Variants in LRBA observed in about 807,000 individuals in gnomAD.
LRBA encodes the protein LPS responsive beige-like anchor protein.
In LRBA, 176 loss-of-function variants were observed where a neutral mutation model predicts 330.0. That is an observed-to-expected ratio of 0.53 (90% CI 0.47 to 0.60). The LOEUF is 0.60. Ranked by LOEUF, LRBA falls within the 20% of genes least tolerant of loss-of-function variation. The pLI, the probability that LRBA is intolerant of heterozygous loss-of-function variation, is 0.00. For missense variants in LRBA, 3,259 were observed against 3,444.8 expected, an observed-to-expected ratio of 0.95 and a Z score of 1.35; for synonymous variants, 1,230 against 1,193.0, an observed-to-expected ratio of 1.03 and a Z score of -0.64.
chr4:150,673,934 A>T (rs1182794151), intron 37 of LRBA, among the ~76,000 whole-genome samples: 1 of 152,204 alleles, frequency 6.6e-6, no homozygotes, highest in Non-Finnish European at 1.5e-5. Flanking sequence ...TGCCAGAAAG[A>T]GTCATATATT....
intron 39 of LRBA, 29 bp downstream of exon 39, chr4:150,590,684 T>C (rs1260315670): frequency 6.2e-7 from 1 of 1,607,488 alleles, no homozygotes; most frequent in Non-Finnish European, 8.5e-7. Context: ...CAGAGGTAGC[T>C]GAAATATCTG....
chr4:150,338,126 T>G (rs1352518866), intron 48 of LRBA, among the ~76,000 whole-genome samples: 2 of 152,118 alleles, frequency 1.3e-5, no homozygotes, highest in African/African-American at 4.8e-5. Context: ...TTTGGAAGGA[T>G]AAATTTGGAA....
chr4:150,287,913 AT>A (rs1748337730), intron 53 of LRBA, among the ~76,000 whole-genome samples: 1 of 152,184 alleles, frequency 6.6e-6, no homozygotes, highest in Admixed American at 6.5e-5. Flanking sequence ...AAGTCCAGAA[AT>A]TTGGGAAAAT....
rs374973820 is a variant in LRBA, at chr4:150,831,799, T to C, written c.4729+18A>G. On this transcript the variant is annotated intron_variant, in intron 29 of 56. Coordinates refer to ENST00000651943, the MANE Select transcript of LRBA (RefSeq NM_001364905.1). ...TTATTTGAACTTTGGTACAAAGGAA[T>C]AGAAAATGCAAACTTACCAGAGAGT... 24 of 1,567,772 alleles carry C rather than the reference T, an allele frequency of 1.5e-5. No individual in the cohort carries two copies. Among genetic ancestry groups the C allele is most frequent in the Non-Finnish European group, 1.9e-5 (22 of 1,155,608 alleles).
chr4:150,670,133 A>T (rs1029102016), intron 37 of LRBA, among the ~76,000 whole-genome samples: 1 of 152,158 alleles, frequency 6.6e-6, no homozygotes, highest in Non-Finnish European at 1.5e-5. Context: ...TTTTCTCATT[A>T]TTCCATCGCC....
At chr4:150,435,335 A>G (rs1750972391) in intron 46 of LRBA, among the ~76,000 whole-genome samples, 1 of 152,150 alleles carries the variant, frequency 6.6e-6, no homozygotes, top group Admixed American at 6.5e-5. Flanking sequence ...TGAAGGACAG[A>G]GCAAGACTCT....
chr4:150,397,684 AC>A (rs1273714501), intron 47 of LRBA, among the ~76,000 whole-genome samples: 1 of 152,228 alleles, frequency 6.6e-6, no homozygotes, highest in Non-Finnish European at 1.5e-5. Context: ...GTAGAGTATA[AC>A]AACACAGGTT....
At position 150,325,785 on chromosome 4, in the gene LRBA, G is replaced by T. The variant is rs143931917; in HGVS notation, c.7452+24C>A. On this transcript the variant is annotated intron_variant, in intron 49 of 56. Transcript: ENST00000651943. ...CGGATCTGAAGGAGAGGCAAGAAATGAGGAGAGTAAAAATAGCACTTACCA... is the reference window on the plus strand; with the variant it reads ...CGGATCTGAAGGAGAGGCAAGAAATTAGGAGAGTAAAAATAGCACTTACCA... 2.5e-3 allele frequency: 3,662 copies of T among 1,480,630 alleles called. 14 individuals are homozygous for T. Among genetic ancestry groups the T allele is most frequent in the Non-Finnish European group, 3.2e-3 (3,377 of 1,058,522 alleles). 91.7% of individuals were successfully genotyped at this position (1,480,630 alleles called of 1,614,324 possible).
intron 41 of LRBA, among the ~76,000 whole-genome samples, chr4:150,490,049 A>C (rs546802901): frequency 6.6e-6 from 1 of 151,752 alleles, no homozygotes; most frequent in South Asian, 2.1e-4. Flanking sequence ...ATAAAGTGTG[A>C]AACATTCTCT....
chr4:150,757,255 C>T (rs544452854), intron 35 of LRBA, among the ~76,000 whole-genome samples: 14 of 152,022 alleles, frequency 9.2e-5, no homozygotes, highest in African/African-American at 3.1e-4. Context: ...TTAAAGAGAC[C>T]ATCAGCAAAT....
At chr4:150,749,694 G>A (rs1435189455) in intron 35 of LRBA, among the ~76,000 whole-genome samples, 1 of 152,076 alleles carries the variant, frequency 6.6e-6, no homozygotes, top group Admixed American at 6.6e-5. Context: ...CTAGGAGTAT[G>A]TAGCTGCAAT....
intron 44 of LRBA, among the ~76,000 whole-genome samples, chr4:150,440,355 G>C (rs1238922667): frequency 1.3e-5 from 2 of 151,592 alleles, no homozygotes; most frequent in African/African-American, 4.8e-5. Context: ...ATTATAGAAG[G>C]TTTTCTTAAC....
rs753650479 is a variant in LRBA, at chr4:150,277,841, T to G, written c.8468+12A>C. On this transcript the variant is annotated intron_variant, in intron 56 of 56. Transcript: ENST00000651943. ...TGAAACCCCTATTTGTAGCCCATGA[T>G]TCCAGTGTTACCTCTGGTCGTAAGA... 1.1e-5 allele frequency: 17 copies of G among 1,613,102 alleles called. No homozygotes were observed. The highest frequency in any genetic ancestry group is 1.4e-5 in the Non-Finnish European group (17 of 1,179,324).
chr4:150,339,983 C>T (rs554106344), intron 48 of LRBA, among the ~76,000 whole-genome samples: 79 of 152,032 alleles, frequency 5.2e-4, no homozygotes, highest in Non-Finnish European at 1.0e-3. Flanking sequence ...TGGTGGTTTC[C>T]CCCATACTAT....
At chr4:150,847,618 C>T (rs1750020057) in intron 26 of LRBA, among the ~76,000 whole-genome samples, 1 of 152,138 alleles carries the variant, frequency 6.6e-6, no homozygotes, top group Admixed American at 6.5e-5. Context: ...TAATGGTTTG[C>T]TTCCATTTCT....
intron 46 of LRBA, among the ~76,000 whole-genome samples, chr4:150,420,092 G>A (rs983608646): frequency 8.6e-5 from 13 of 150,548 alleles, no homozygotes; most frequent in Admixed American, 1.3e-4. Context: ...AAAAAATTTA[G>A]CCAGGTATGG....
At chr4:150,327,593 T>A (rs530035365) in intron 48 of LRBA, among the ~76,000 whole-genome samples, 1 of 152,336 alleles carries the variant, frequency 6.6e-6, no homozygotes, top group Non-Finnish European at 1.5e-5. Context: ...AGAGTGCTAA[T>A]CCTGACTGTG....
chr4:150,907,752 C>T (rs1273470962), intron 11 of LRBA, among the ~76,000 whole-genome samples: 2 of 152,114 alleles, frequency 1.3e-5, no homozygotes, highest in Non-Finnish European at 2.9e-5. Context: ...AGACTCCTTT[C>T]CTACATTTTA....
chr4:150,848,886 C>T lies in LRBA; in HGVS notation c.4271G>A (p.Gly1424Asp). 1.2e-6 allele frequency: 2 copies of T among 1,612,982 alleles called. No individual in the cohort carries two copies. Among genetic ancestry groups the T allele is most frequent in the South Asian group, 1.1e-5 (1 of 90,882 alleles). ...TTTTTCAGCTTCAATTTCAGTAAAG[C>T]CAAGAGAACTTGCAAATATAAGCAC... is the stretch of plus-strand genomic sequence containing the variant. The part of the protein sequence containing the change: ...VDVLIFASSL[G>D]FTEIEAEKSM... Residue 1424 changes from glycine (G) to aspartate (D), a missense_variant, in exon 26 of 57, where the codon GGC becomes GAC. Transcript: ENST00000651943.
Sources: allele counts gnomAD v4.1 joint callset (sites outside exome capture counted in the v4.1 genomes callset), GRCh38; gene constraint gnomAD v4.1.1; transcripts MANE v1.5; gene names NCBI Gene and HGNC (gene_info 2026-07-23, HGNC 2026-07-21).